Variants in FMNL2 observed in about 807,000 individuals in gnomAD.
FMNL2 encodes the protein formin like 2.
A neutral mutation model predicts 130.2 loss-of-function variants in FMNL2; 51 were observed. The ratio of observed to expected loss-of-function variants is 0.39; its 90% confidence interval spans 0.31 to 0.49. The LOEUF (loss-of-function observed/expected upper bound fraction) is 0.49, where lower values mean the gene tolerates loss of function less well. Ranked by LOEUF, FMNL2 falls within the 20% of genes least tolerant of loss-of-function variation. The pLI is 0.85. For missense variants in FMNL2, 977 were observed against 1,316.2 expected (o/e 0.74, Z 3.99); for synonymous variants, 465 against 467.1 (o/e 1.00, Z 0.06).
At chr2:152,515,743 C>A (rs528559317) in intron 1 of FMNL2, among the ~76,000 whole-genome samples, 1 of 152,138 alleles carries the variant, frequency 6.6e-6, no homozygotes, top group Non-Finnish European at 1.5e-5. Flanking sequence ...AAGATAATAA[C>A]TACTTGTCAG....
chr2:152,534,736 T>C (rs752903144), intron 2 of FMNL2, among the ~76,000 whole-genome samples: 7 of 152,108 alleles, frequency 4.6e-5, no homozygotes, highest in Non-Finnish European at 7.3e-5. Context: ...AGAAACCTAC[T>C]CAATATTACG....
At chr2:152,603,660 G>A (rs140567231) in intron 9 of FMNL2, among the ~76,000 whole-genome samples, 7 of 150,850 alleles carry the variant, frequency 4.6e-5, no homozygotes, top group Admixed American at 2.6e-4. Context: ...GTTTGTTGCC[G>A]TCCACATGTG....
In FMNL2 at chr2:152,625,673, C is replaced by T. The variant is rs183188362; in HGVS notation, c.1962+111C>T. ...GATAAAGTACTAGTGTTTTAAGTCC[C>T]CTGATGTAAAGAAGAAACATGTATG... On this transcript the variant is annotated intron_variant, in intron 16 of 25. Coordinates refer to ENST00000288670, the MANE Select transcript of FMNL2 (RefSeq NM_052905.4). 1,287 of 1,266,236 alleles carry T rather than the reference C, an allele frequency of 1.0e-3. 2 individuals carry two copies. Among genetic ancestry groups the T allele is most frequent in the Non-Finnish European group, 8.9e-4 (828 of 930,202 alleles). 78.4% of individuals were successfully genotyped at this position (1,266,236 alleles called of 1,614,324 possible). A position where few individuals can be genotyped will look rare whatever the true frequency, so the allele number is the denominator to read the frequency against.
intron 6 of FMNL2, among the ~76,000 whole-genome samples, chr2:152,563,975 G>A (rs771658179): frequency 1.3e-5 from 2 of 152,194 alleles, no homozygotes; most frequent in Non-Finnish European, 2.9e-5. Flanking sequence ...CACAGTGCAT[G>A]CTGGCAGGGC....
At chr2:152,521,539 A>G (rs1205499473) in intron 1 of FMNL2, among the ~76,000 whole-genome samples, 1 of 151,970 alleles carries the variant, frequency 6.6e-6, no homozygotes, top group Non-Finnish European at 1.5e-5. Flanking sequence ...ATTTGAATCT[A>G]TCAGTGATTC....
chr2:152,371,034 A>G (rs536730374), intron 1 of FMNL2, among the ~76,000 whole-genome samples: 1 of 152,328 alleles, frequency 6.6e-6, no homozygotes, highest in African/African-American at 2.4e-5. Context: ...GCCTAATGAT[A>G]TAAAGCCTAA....
At chr2:152,446,719 T>C (rs915442483) in intron 1 of FMNL2, among the ~76,000 whole-genome samples, 1 of 152,196 alleles carries the variant, frequency 6.6e-6, no homozygotes, top group Non-Finnish European at 1.5e-5. Flanking sequence ...TTATAGACCA[T>C]TGTTAAGGAA....
At chr2:152,580,927 T>C in intron 8 of FMNL2, 29 bp from the exon 9 acceptor site, 4 of 1,599,072 alleles carry the variant, frequency 2.5e-6, no homozygotes, top group East Asian at 2.2e-5. Context: ...TTTCACTGAT[T>C]TGTGTTTTTC....
intron 9 of FMNL2, among the ~76,000 whole-genome samples, chr2:152,587,898 T>C: frequency 6.6e-6 from 1 of 152,220 alleles, no homozygotes; most frequent in Non-Finnish European, 1.5e-5. Flanking sequence ...TCGACAGTTG[T>C]AATACCAGGC....
intron 1 of FMNL2, among the ~76,000 whole-genome samples, chr2:152,429,238 A>G (rs1232602108): frequency 6.6e-6 from 1 of 151,800 alleles, no homozygotes; most frequent in Non-Finnish European, 1.5e-5. Flanking sequence ...AAAAAAAGAA[A>G]GAAAATGGTT....
At chr2:152,358,398 C>A (rs936658868) in intron 1 of FMNL2, among the ~76,000 whole-genome samples, 3 of 152,052 alleles carry the variant, frequency 2.0e-5, no homozygotes, top group Admixed American at 6.5e-5. Context: ...ACCTGTAATC[C>A]CAGCACTTTG....
At chr2:152,496,043 A>G (rs1468192467) in intron 1 of FMNL2, among the ~76,000 whole-genome samples, 2 of 152,186 alleles carry the variant, frequency 1.3e-5, no homozygotes, top group Non-Finnish European at 2.9e-5. Context: ...ACTAGTTGCT[A>G]TATAATCTTT....
intron 9 of FMNL2, among the ~76,000 whole-genome samples, chr2:152,581,626 ACCG>A (rs1696787025): frequency 6.6e-6 from 1 of 151,654 alleles, no homozygotes; most frequent in South Asian, 2.1e-4. Context: ...TCCAAACATC[ACCG>A]CCGCGGGCCC....
At chr2:152,612,966 G>A (rs1698763194) in intron 11 of FMNL2, among the ~76,000 whole-genome samples, 1 of 152,180 alleles carries the variant, frequency 6.6e-6, no homozygotes, top group African/African-American at 2.4e-5. Flanking sequence ...AAACCCAAGG[G>A]ATTGCACAGA....
intron 1 of FMNL2, among the ~76,000 whole-genome samples, chr2:152,365,973 G>A (rs978152326): frequency 2.0e-5 from 3 of 152,194 alleles, no homozygotes; most frequent in Middle Eastern, 3.4e-3. Flanking sequence ...GTGCATATAC[G>A]TATACCCATG....
intron 20 of FMNL2, among the ~76,000 whole-genome samples, chr2:152,631,392 C>CA (rs33966314): frequency 0.067 from 5,190 of 76,976 alleles, 365 homozygotes; most frequent in African/African-American, 0.16. Flanking sequence ...GACTCCATCT[C>CA]AAAAAAAAAA....
chr2:152,404,001 G>A (rs1685846758), intron 1 of FMNL2, among the ~76,000 whole-genome samples: 1 of 152,240 alleles, frequency 6.6e-6, no homozygotes, highest in Non-Finnish European at 1.5e-5. Context: ...CCAGGAGGCA[G>A]AGGTTGCAGT....
chr2:152,619,579 A>G lies in FMNL2; in HGVS notation c.1698A>G (p.Pro566=), dbSNP rs1188085103. 5.3e-5 allele frequency: 17 copies of G among 318,416 alleles called. No homozygotes were observed. Among genetic ancestry groups the G allele is most frequent in the African/African-American group, 2.5e-4 (2 of 7,998 alleles). 19.7% of individuals were successfully genotyped at this position (318,416 alleles called of 1,614,324 possible). Residue 566 remains proline, a synonymous_variant, in exon 15 of 26, where the codon CCA becomes CCG. Transcript: ENST00000288670. The part of the protein sequence containing the change: ...PPPPPPPPPP[P]PPPPPPPLPG... The stretch of plus-strand genomic sequence containing the variant: ...CCCCTCCTCCACCTCCTCCTCCCCC[A>G]CCGCCCCCTCCGCCTCCTCCTCTCC...
At chr2:152,420,027 T>G (rs952488668) in intron 1 of FMNL2, among the ~76,000 whole-genome samples, 1 of 152,110 alleles carries the variant, frequency 6.6e-6, no homozygotes, top group African/African-American at 2.4e-5. Context: ...AGGGAAAGCT[T>G]GAGAATAATT....
Sources: allele counts gnomAD v4.1 joint callset (sites outside exome capture counted in the v4.1 genomes callset), GRCh38; gene constraint gnomAD v4.1.1; transcripts MANE v1.5; gene names NCBI Gene and HGNC (gene_info 2026-07-23, HGNC 2026-07-21).